The following TENM4 variants were observed in gnomAD, a reference collection of about 807,000 sequenced individuals.
TENM4 encodes teneurin transmembrane protein 4, also known as teneurin-4.
In TENM4, 82 loss-of-function variants were observed where a neutral mutation model predicts 243.3. That is an observed-to-expected ratio of 0.34 (90% CI 0.28 to 0.40). The LOEUF is 0.40. TENM4 is among the 10% of genes least tolerant of loss of function. The pLI, the probability that TENM4 is intolerant of heterozygous loss-of-function variation, is 1.00. For missense variants in TENM4, 3,138 were observed against 3,673.3 expected (o/e 0.85, Z 3.77); for synonymous variants, 1,412 against 1,456.3 (o/e 0.97, Z 0.69).
chr11:78,928,744 A>G (rs1447145892), intron 6 of TENM4, among the ~76,000 whole-genome samples: 1 of 152,210 alleles, frequency 6.6e-6, no homozygotes, highest in Non-Finnish European at 1.5e-5. Context: ...AATATAAGGG[A>G]CTACCAAACA....
chr11:79,070,816 G>A lies in TENM4; in HGVS notation c.-65-807C>T, dbSNP rs11603457. Among the ~76,000 whole-genome samples the A allele has an allele frequency of 8.1e-3, 1,239 of 152,334 alleles. 9 individuals are homozygous for A. The highest frequency in any genetic ancestry group is 0.014 in the Non-Finnish European group (931 of 68,030). On this transcript the variant is annotated intron_variant, in intron 4 of 33. Transcript: ENST00000278550. ...AAAGCCAGGATTGGAACTCTGATCT[G>A]TTTGGCTCTAAAGCCTGCATTTTTC...
Position 79,298,887 on chromosome 11 carries a change from T to A in TENM4, c.-320-1344A>T, listed in dbSNP as rs542923146. On this transcript the variant is annotated intron_variant, in intron 1 of 33. Coordinates refer to ENST00000278550, the MANE Select transcript of TENM4 (RefSeq NM_001098816.3). ...TCATATTTTTTCTTAACTATATTTT[T>A]AAATAATTTTCAAAAAATGTTTCTG... Among the ~76,000 whole-genome samples, 621 of 152,356 alleles carry A rather than the reference T, an allele frequency of 4.1e-3. 10 individuals carry two copies. The highest frequency in any genetic ancestry group is 0.037 in the South Asian group (177 of 4,826).
chr11:78,883,833 G>A (rs952160338), intron 9 of TENM4, among the ~76,000 whole-genome samples: 7 of 152,206 alleles, frequency 4.6e-5, no homozygotes, highest in Admixed American at 2.0e-4. Context: ...TCTTGTGGCT[G>A]CATTGCTGGA....
intron 4 of TENM4, among the ~76,000 whole-genome samples, chr11:79,104,659 T>G (rs1052451086): frequency 1.3e-5 from 2 of 152,250 alleles, no homozygotes; most frequent in Admixed American, 1.3e-4. Context: ...TAAGCAATGC[T>G]GCCAATGAGC....
Position 78,654,597 on chromosome 11 carries a change from C to T in TENM4, c.*3461G>A, listed in dbSNP as rs1857846114. On this transcript the variant is annotated 3_prime_UTR_variant, in exon 34 of 34. Transcript: ENST00000278550. Reference sequence around the variant, plus strand: ...CCCTCCTGGTTATTTGGACACACACCTCCTGGCCATTCTCACCCTCAGTCA... The same window carrying T: ...CCCTCCTGGTTATTTGGACACACACTTCCTGGCCATTCTCACCCTCAGTCA... The T allele has an allele frequency of 6.6e-6, 1 of 152,228 alleles. No individual in the cohort carries two copies. The highest frequency in any genetic ancestry group is 2.4e-5 in the African/African-American group (1 of 41,442). 9.4% of individuals were successfully genotyped at this position (152,228 alleles called of 1,614,324 possible). A position where few individuals can be genotyped will look rare whatever the true frequency, so the allele number is the denominator to read the frequency against.
chr11:78,675,263 C>A (rs979158257), intron 30 of TENM4, among the ~76,000 whole-genome samples: 2 of 152,118 alleles, frequency 1.3e-5, no homozygotes, highest in African/African-American at 4.8e-5. Flanking sequence ...AGAGGGGCTT[C>A]AGTGAACTTT....
intron 3 of TENM4, among the ~76,000 whole-genome samples, chr11:79,171,410 T>G (rs945575380): frequency 6.6e-6 from 1 of 152,236 alleles, no homozygotes; most frequent in Non-Finnish European, 1.5e-5. Context: ...CTTCCAAGAC[T>G]GTGCCTTCCT....
At position 79,132,451 on chromosome 11, in the gene TENM4, A is replaced by G. The variant is rs562273089; in HGVS notation, c.-66+16259T>C. ...AGACAGGTCATCAAGACAGAAAGTC[A>G]GCAAAGAAGCAATGGATTTAAACTA... On this transcript the variant is annotated intron_variant, in intron 4 of 33. Coordinates refer to ENST00000278550, the MANE Select transcript of TENM4 (RefSeq NM_001098816.3). Among the ~76,000 whole-genome samples the G allele has an allele frequency of 3.4e-3, 523 of 152,162 alleles. 4 individuals are homozygous for G. The highest frequency in any genetic ancestry group is 0.012 in the African/African-American group (492 of 41,526).
rs527612250 is a variant in TENM4, at chr11:79,271,094, A to G, written c.-265+26394T>C. ...TTTTTCATGATGACTTCTGAAGGCT[A>G]AGAATGGAATTAGTCAGTCTGGGGG... is the stretch of plus-strand genomic sequence containing the variant. On this transcript the variant is annotated intron_variant, in intron 2 of 33. Transcript: ENST00000278550. Among the ~76,000 whole-genome samples, 181 of 152,220 alleles carry G rather than the reference A, an allele frequency of 1.2e-3. 1 individual carries two copies. Among genetic ancestry groups the G allele is most frequent in the African/African-American group, 4.0e-3 (167 of 41,546 alleles).
intron 29 of TENM4, among the ~76,000 whole-genome samples, chr11:78,683,441 G>A (rs1252797991): frequency 2.9e-5 from 2 of 68,028 alleles, no homozygotes; most frequent in East Asian, 2.3e-4. Flanking sequence ...TTCCGTGGGC[G>A]TAGGACCCTC....
chr11:79,236,176 A>G (rs1864467731), intron 2 of TENM4, among the ~76,000 whole-genome samples: 1 of 152,184 alleles, frequency 6.6e-6, no homozygotes, highest in African/African-American at 2.4e-5. Context: ...AAAAAGGTAT[A>G]TAATCAATAA....
At chr11:78,699,753 C>T (rs974836283) in intron 28 of TENM4, among the ~76,000 whole-genome samples, 2 of 152,222 alleles carry the variant, frequency 1.3e-5, no homozygotes, top group African/African-American at 2.4e-5. Flanking sequence ...TGTAGGAAAC[C>T]GTTTTAGATT....
intron 6 of TENM4, among the ~76,000 whole-genome samples, chr11:79,049,700 C>G (rs1859749270): frequency 6.6e-6 from 1 of 152,238 alleles, no homozygotes; most frequent in Non-Finnish European, 1.5e-5. Flanking sequence ...CACCTTATTT[C>G]CTTCCGGGAG....
chr11:79,239,057 T>G (rs1258070253), intron 2 of TENM4, among the ~76,000 whole-genome samples: 1 of 151,778 alleles, frequency 6.6e-6, no homozygotes, highest in Admixed American at 6.6e-5. Flanking sequence ...GCAAAAAGAA[T>G]TAGGTGCTCT....
At chr11:79,002,282 G>T (rs74463320) in intron 6 of TENM4, among the ~76,000 whole-genome samples, 1 of 152,244 alleles carries the variant, frequency 6.6e-6, no homozygotes, top group Non-Finnish European at 1.5e-5. Flanking sequence ...GTTCACTCCT[G>T]TGAGTACTCT....
intron 2 of TENM4, among the ~76,000 whole-genome samples, chr11:79,272,353 A>C (rs543616974): frequency 6.6e-6 from 1 of 152,308 alleles, no homozygotes; most frequent in South Asian, 2.1e-4. Context: ...AAGCAAAAAG[A>C]AAAAAATGAC....
intron 1 of TENM4, among the ~76,000 whole-genome samples, chr11:79,388,019 C>T (rs998571425): frequency 6.6e-6 from 1 of 152,164 alleles, no homozygotes; most frequent in Admixed American, 6.5e-5. Context: ...CAAAGAAACT[C>T]AAAACTTGAA....
chr11:79,326,283 T>C (rs1165125654), intron 1 of TENM4, among the ~76,000 whole-genome samples: 1 of 152,184 alleles, frequency 6.6e-6, no homozygotes, highest in Non-Finnish European at 1.5e-5. Flanking sequence ...CCATTTCTCC[T>C]ATACACATCA....
chr11:79,034,978 G>A (rs1013607597), intron 6 of TENM4, among the ~76,000 whole-genome samples: 2 of 152,158 alleles, frequency 1.3e-5, no homozygotes, highest in Non-Finnish European at 2.9e-5. Context: ...TGGGGCTAAG[G>A]TCCCCTCATC....
Sources: gnomAD v4.1 joint callset for allele counts (sites outside exome capture counted in the v4.1 genomes callset) on GRCh38, gnomAD v4.1.1 for gene constraint, MANE v1.5 for transcripts, NCBI Gene and HGNC (gene_info 2026-07-23, HGNC 2026-07-21) for gene names.